The following LRAT variants were observed in gnomAD, a reference collection of about 807,000 sequenced individuals.
LRAT encodes lecithin retinol acyltransferase.
Under a neutral mutation model 14.2 loss-of-function variants are expected in LRAT, and 11 were observed. The ratio of observed to expected loss-of-function variants is 0.78; its 90% confidence interval spans 0.49 to 1.29. LRAT has a LOEUF of 1.29. Ranked by LOEUF, LRAT falls within the 50% of genes most tolerant of loss-of-function variation. The pLI is 0.00. For synonymous variants in LRAT, 144 were observed against 124.8 expected (o/e 1.15, Z -1.03); for missense variants, 274 against 292.4 (o/e 0.94, Z 0.46).
upstream of LRAT, among the ~76,000 whole-genome samples, chr4:154,743,362 G>A (rs576273154): frequency 1.3e-5 from 2 of 151,862 alleles, no homozygotes; most frequent in Admixed American, 1.3e-4. Context: ...TTAGCCAGGC[G>A]TGGTGCCTGT....
rs1049977156 is a variant in LRAT, at chr4:154,751,023, C to G, written c.*1887C>G. On this transcript the variant is annotated 3_prime_UTR_variant, in exon 3 of 3. Coordinates refer to ENST00000336356, the MANE Select transcript of LRAT (RefSeq NM_004744.5). ...TTAGTCTTGACTTACTTCATTAAAG[C>G]AAGATTCAATTCCTTGTTCATTTGA... 6.6e-6 allele frequency: 1 copy of G among 152,188 alleles called. No individual in the cohort carries two copies. The highest frequency in any genetic ancestry group is 2.4e-5 in the African/African-American group (1 of 41,452). 9.4% of individuals were successfully genotyped at this position (152,188 alleles called of 1,614,324 possible).
chr4:154,743,493 TCAAAA>T (rs1206569430), upstream of LRAT, among the ~76,000 whole-genome samples: 9 of 152,004 alleles, frequency 5.9e-5, no homozygotes, highest in East Asian at 1.9e-4. Flanking sequence ...AGGCACTGTC[TCAAAA>T]CAAAACAAAA....
Position 154,744,509 on chromosome 4 carries a change from T to C in LRAT, c.183T>C (p.Tyr61=). 1.2e-6 allele frequency: 2 copies of C among 1,614,058 alleles called. No individual in the cohort carries two copies. Among genetic ancestry groups the C allele is most frequent in the Non-Finnish European group, 1.7e-6 (2 of 1,179,996 alleles). ...LEVPRTHLTH[Y]GIYLGDNRVA... ...TGCCCCGGACCCACCTGACCCACTATGGCATCTACCTAGGAGACAACCGTG... is the reference window on the plus strand; with the variant it reads ...TGCCCCGGACCCACCTGACCCACTACGGCATCTACCTAGGAGACAACCGTG... Residue 61 remains tyrosine (Y), a synonymous_variant, in exon 2 of 3, where the codon TAT becomes TAC. Coordinates refer to ENST00000336356, the MANE Select transcript of LRAT (RefSeq NM_004744.5).
Position 154,744,497 on chromosome 4 carries a change from C to A in LRAT, c.171C>A (p.His57Gln). 1 of 1,614,138 alleles carries A rather than the reference C, an allele frequency of 6.2e-7. No homozygotes were observed. The highest frequency in any genetic ancestry group is 2.2e-5 in the East Asian group (1 of 44,876). Residue 57 changes from histidine (H) to glutamine (Q), a missense_variant, in exon 2 of 3, where the codon CAC becomes CAA. His to Gln is a conservative substitution (Grantham distance 24). Coordinates refer to ENST00000336356, the MANE Select transcript of LRAT (RefSeq NM_004744.5). ...RGDVLEVPRT[H>Q]LTHYGIYLGD... ...ACGTGCTGGAGGTGCCCCGGACCCA[C>A]CTGACCCACTATGGCATCTACCTAG...
chr4:154,746,932 A>G (rs1359777238), intron 2 of LRAT, among the ~76,000 whole-genome samples: 7 of 145,960 alleles, frequency 4.8e-5, no homozygotes, highest in African/African-American at 1.9e-4. Context: ...TCCCGGGGGA[A>G]AAAAAAAAGT....
chr4:154,742,391 T>C (rs955473375), upstream of LRAT, among the ~76,000 whole-genome samples: 1 of 152,100 alleles, frequency 6.6e-6, no homozygotes, highest in African/African-American at 2.4e-5. Context: ...GACAGATCGC[T>C]GACGGCAGAT....
In LRAT at chr4:154,751,561, C is replaced by G. The variant is rs1732991593; in HGVS notation, c.*2425C>G. On this transcript the variant is annotated 3_prime_UTR_variant, in exon 3 of 3. Coordinates refer to ENST00000336356, the MANE Select transcript of LRAT (RefSeq NM_004744.5). ...ACCATCCTGGCTAACACGGTGAAAC[C>G]CCATCTCTACTAAAAATACAAAATT... The G allele has an allele frequency of 6.6e-6, 1 of 151,868 alleles. No homozygotes were observed. Among genetic ancestry groups the G allele is most frequent in the African/African-American group, 2.4e-5 (1 of 41,262 alleles). 9.4% of individuals were successfully genotyped at this position (151,868 alleles called of 1,614,324 possible). A position where few individuals can be genotyped will look rare whatever the true frequency, so the allele number is the denominator to read the frequency against.
chr4:154,744,892 G>T (rs1337578782), intron 2 of LRAT, 26 bp downstream of exon 2: 21 of 1,609,718 alleles, frequency 1.3e-5, no homozygotes, highest in Non-Finnish European at 1.7e-5. Flanking sequence ...CCCAGGGGAA[G>T]TGGGCTCCGC....
rs1018599196 is a variant in LRAT at position 154,749,469 on chromosome 4, G to A, written c.*333G>A. On this transcript the variant is annotated 3_prime_UTR_variant, in exon 3 of 3. Coordinates refer to ENST00000336356, the MANE Select transcript of LRAT (RefSeq NM_004744.5). The stretch of plus-strand genomic sequence containing the variant: ...TTTTTTCTCCTGTAATCCTTGTACT[G>A]TTCGGCTGAATTTGAAGATTGGAAG... 1.1e-4 allele frequency: 23 copies of A among 216,514 alleles called. No individual in the cohort carries two copies. Among genetic ancestry groups the A allele is most frequent in the South Asian group, 4.3e-4 (5 of 11,656 alleles). The allele number at this position is 216,514 out of a possible 1,614,324, so 13.4% of individuals were successfully genotyped here.
chr4:154,751,753 A>AG lies in LRAT; in HGVS notation c.*2617_*2618insG. The AG allele has an allele frequency of 6.7e-6, 1 of 150,316 alleles. No homozygotes were observed. Among genetic ancestry groups the AG allele is most frequent in the Non-Finnish European group, 1.5e-5 (1 of 67,812 alleles). The allele number at this position is 150,316 out of a possible 1,614,324, so 9.3% of individuals were successfully genotyped here. A position where few individuals can be genotyped will look rare whatever the true frequency, so the allele number is the denominator to read the frequency against. On this transcript the variant is annotated 3_prime_UTR_variant, in exon 3 of 3. Coordinates refer to ENST00000336356, the MANE Select transcript of LRAT (RefSeq NM_004744.5). Reference sequence around the variant, plus strand: ...CATCTCAAAAAAAAAAAAAAAAAAAAAAAAAAAAAAAGAAGAAGAAACCCT... The same window carrying AG: ...CATCTCAAAAAAAAAAAAAAAAAAAAGAAAAAAAAAAAGAAGAAGAAACCCT...
rs767475890 is a variant in LRAT at position 154,744,693 on chromosome 4, C to T, written c.367C>T (p.Leu123=). Residue 123 remains leucine (L), a synonymous_variant, in exon 2 of 3, where the codon CTG becomes TTG. Transcript: ENST00000336356. ...GGACTTCGCCTACGGAGCTAACATC[C>T]TGGTCAATCACCTGGACGAGTCCCT... ...VEDFAYGANI[L]VNHLDESLQK... 1.4e-5 allele frequency: 22 copies of T among 1,614,102 alleles called. No individual in the cohort carries two copies. The highest frequency in any genetic ancestry group is 1.5e-5 in the Non-Finnish European group (18 of 1,180,048).
At position 154,744,706 on chromosome 4, in the gene LRAT, T is replaced by C. The variant is rs777454624; in HGVS notation, c.380T>C (p.Leu127Pro). ...AYGANILVNH[L>P]DESLQKKALL... is the part of the protein sequence containing the mutation. Reference sequence around the variant, plus strand: ...GGAGCTAACATCCTGGTCAATCACCTGGACGAGTCCCTCCAGAAAAAGGCA... The same window carrying C: ...GGAGCTAACATCCTGGTCAATCACCCGGACGAGTCCCTCCAGAAAAAGGCA... Residue 127 changes from leucine to proline, a missense_variant, in exon 2 of 3, where the codon CTG (leucine) becomes CCG (proline). Transcript: ENST00000336356. 1 of 1,614,218 alleles carries C rather than the reference T, an allele frequency of 6.2e-7. No individual in the cohort carries two copies. Among genetic ancestry groups the C allele is most frequent in the South Asian group, 1.1e-5 (1 of 91,084 alleles).
Position 154,744,488 on chromosome 4 carries a change from C to G in LRAT, c.162C>G (p.Pro54=), listed in dbSNP as rs1009902631. The G allele has an allele frequency of 1.9e-6, 3 of 1,614,070 alleles. No individual in the cohort carries two copies. The highest frequency in any genetic ancestry group is 2.5e-6 in the Non-Finnish European group (3 of 1,180,020). Residue 54 remains proline, a synonymous_variant, in exon 2 of 3, where the codon CCC becomes CCG. Transcript: ENST00000336356. The stretch of plus-strand genomic sequence containing the variant: ...ACCGAGGCGACGTGCTGGAGGTGCC[C>G]CGGACCCACCTGACCCACTATGGCA... ...SFHRGDVLEV[P]RTHLTHYGIY...
At chr4:154,741,903 G>A (rs1051455183), upstream of LRAT, among the ~76,000 whole-genome samples, 5 of 152,176 alleles carry the variant, frequency 3.3e-5, no homozygotes, top group Non-Finnish European at 7.4e-5. Flanking sequence ...GCAGTCATAA[G>A]CATTATAAGC....
chr4:154,744,010 C>T lies in LRAT; in HGVS notation c.-214C>T, dbSNP rs1317705209. ...GAAGCCTGCACCTCCGAGCACCGCGCGCGGCCCTGCCCCCGGCACGGCCCC... is the reference window on the plus strand; with the variant it reads ...GAAGCCTGCACCTCCGAGCACCGCGTGCGGCCCTGCCCCCGGCACGGCCCC... On this transcript the variant is annotated 5_prime_UTR_variant, in exon 1 of 3. Transcript: ENST00000336356. 5.1e-6 allele frequency: 2 copies of T among 394,108 alleles called. No individual in the cohort carries two copies. Among genetic ancestry groups the T allele is most frequent in the Non-Finnish European group, 9.4e-6 (2 of 211,960 alleles). The allele number at this position is 394,108 out of a possible 1,614,324, so 24.4% of individuals were successfully genotyped here.
rs1385679511 is a variant in LRAT at position 154,750,834 on chromosome 4, G to T, written c.*1698G>T. 6.6e-6 allele frequency: 1 copy of T among 151,992 alleles called. No individual in the cohort carries two copies. The highest frequency in any genetic ancestry group is 1.5e-5 in the Non-Finnish European group (1 of 67,992). 9.4% of individuals were successfully genotyped at this position (151,992 alleles called of 1,614,324 possible). ...TATTACCCTTGTAGGAATAGTTTAAGGAAATTCATTTCTTAAAAATATAGT... is the reference window on the plus strand; with the variant it reads ...TATTACCCTTGTAGGAATAGTTTAATGAAATTCATTTCTTAAAAATATAGT... On this transcript the variant is annotated 3_prime_UTR_variant, in exon 3 of 3. Coordinates refer to ENST00000336356, the MANE Select transcript of LRAT (RefSeq NM_004744.5).
At chr4:154,743,833 C>G (rs1207774050), upstream of LRAT, 1 of 180,908 alleles carries the variant, frequency 5.5e-6, no homozygotes, top group Non-Finnish European at 1.2e-5. Flanking sequence ...AACCCTGGAG[C>G]TGGGAGTCGG....
chr4:154,745,767 A>AG (rs1375936064), intron 2 of LRAT, among the ~76,000 whole-genome samples: 1 of 152,064 alleles, frequency 6.6e-6, no homozygotes, highest in Non-Finnish European at 1.5e-5. Flanking sequence ...TCCCAGTAAG[A>AG]GGGCCCCCCT....
rs574326230 is a variant in LRAT at position 154,749,528 on chromosome 4, T to G, written c.*392T>G. On this transcript the variant is annotated 3_prime_UTR_variant, in exon 3 of 3. Transcript: ENST00000336356. ...TGAGACCAGTAACTTTACTGTAAATTTACTTTGTTTCATTGAAAAAACAAA... is the reference window on the plus strand; with the variant it reads ...TGAGACCAGTAACTTTACTGTAAATGTACTTTGTTTCATTGAAAAAACAAA... The G allele has an allele frequency of 8.7e-5, 14 of 161,346 alleles. No individual in the cohort carries two copies. Among genetic ancestry groups the G allele is most frequent in the African/African-American group, 3.1e-4 (13 of 41,730 alleles). The allele number at this position is 161,346 out of a possible 1,614,324, so 10.0% of individuals were successfully genotyped here.
Sources: allele counts gnomAD v4.1 joint callset (sites outside exome capture counted in the v4.1 genomes callset), GRCh38; gene constraint gnomAD v4.1.1; transcripts MANE v1.5; gene names NCBI Gene and HGNC (gene_info 2026-07-23, HGNC 2026-07-21).